TBL1XR1: variants seen among roughly 807,000 people sequenced by gnomAD.
The protein encoded by TBL1XR1 is TBL1X/Y related 1, also known as F-box-like/WD repeat-containing protein TBL1XR1.
A neutral mutation model predicts 66.9 loss-of-function variants in TBL1XR1; 5 were observed. The ratio of observed to expected loss-of-function variants is 0.07; its 90% CI spans 0.04 to 0.16. The LOEUF (loss-of-function observed/expected upper bound fraction) is 0.16. TBL1XR1 is among the 10% of genes least tolerant of loss of function. The pLI is 1.00. For missense variants in TBL1XR1, 238 were observed against 623.2 expected, an observed-to-expected ratio of 0.38 and a Z score of 6.58; for synonymous variants, 210 against 206.0, an observed-to-expected ratio of 1.02 and a Z score of -0.17.
intron 1 of TBL1XR1, among the ~76,000 whole-genome samples, chr3:177,145,321 A>G (rs1730118227): frequency 6.6e-6 from 1 of 152,206 alleles, no homozygotes; most frequent in South Asian, 2.1e-4. Context: ...TAGCACTACA[A>G]TGGCAGCACT....
intron 1 of TBL1XR1, among the ~76,000 whole-genome samples, 187 bp from the exon 2 acceptor site, chr3:177,098,728 C>G (rs1452349987): frequency 2.0e-5 from 3 of 152,146 alleles, no homozygotes; most frequent in African/African-American, 7.2e-5. Flanking sequence ...CTTGGCAAGT[C>G]TTTAGAACGT....
At chr3:177,177,074 T>G (rs1734243813) in intron 1 of TBL1XR1, among the ~76,000 whole-genome samples, 1 of 152,150 alleles carries the variant, frequency 6.6e-6, no homozygotes, top group Non-Finnish European at 1.5e-5. Context: ...CCCAGCTGAC[T>G]CAATGCTCTT....
At chr3:177,150,979 G>T (rs1286888404) in intron 1 of TBL1XR1, among the ~76,000 whole-genome samples, 1 of 152,150 alleles carries the variant, frequency 6.6e-6, no homozygotes, top group African/African-American at 2.4e-5. Context: ...TACAAATAAG[G>T]TTATAACTAT....
At chr3:177,128,111 C>T (rs1178069431) in intron 1 of TBL1XR1, among the ~76,000 whole-genome samples, 2 of 151,792 alleles carry the variant, frequency 1.3e-5, no homozygotes, top group East Asian at 1.9e-4. Flanking sequence ...CCTGGCTACT[C>T]GGGAGGCTGA....
At chr3:177,155,554 T>G (rs997659043) in intron 1 of TBL1XR1, among the ~76,000 whole-genome samples, 2 of 152,216 alleles carry the variant, frequency 1.3e-5, no homozygotes, top group Non-Finnish European at 2.9e-5. Flanking sequence ...TCATTGTCTA[T>G]AAATAATGTG....
chr3:177,093,721 G>A (rs1449105928), intron 2 of TBL1XR1, among the ~76,000 whole-genome samples: 1 of 152,180 alleles, frequency 6.6e-6, no homozygotes. Flanking sequence ...ATAAAGTGGG[G>A]ATAGAACACC....
At chr3:177,201,202 G>A (rs142140060), upstream of TBL1XR1, among the ~76,000 whole-genome samples, 1,838 of 151,794 alleles carry the variant, frequency 0.012, 14 homozygotes, top group African/African-American at 0.026. Flanking sequence ...CACGAGGTCG[G>A]GAGTTCGAGA....
rs137869747 is a variant in TBL1XR1 at position 177,091,389 on chromosome 3, C to T, written c.-46+7077G>A. ...AATACATTATTTTCTATTATGTTTA[C>T]ATATTAACTATTGCATATTATATAA... On this transcript the variant is annotated intron_variant, in intron 2 of 15. Transcript: ENST00000457928. Among the ~76,000 whole-genome samples, 6 of 151,964 alleles carry T rather than the reference C, an allele frequency of 3.9e-5. No individual in the cohort carries two copies. In the East Asian group the frequency reaches 9.7e-4, roughly 24 times the overall value.
chr3:177,181,170 C>CT (rs1734776641), intron 1 of TBL1XR1, among the ~76,000 whole-genome samples: 1 of 152,174 alleles, frequency 6.6e-6, no homozygotes, highest in South Asian at 2.1e-4. Flanking sequence ...TTCTCCAACT[C>CT]TGTCTTGTCG....
At chr3:177,057,115 G>A (rs189035751) in intron 3 of TBL1XR1, among the ~76,000 whole-genome samples, 6 of 152,132 alleles carry the variant, frequency 3.9e-5, no homozygotes, top group Non-Finnish European at 7.4e-5. Context: ...TACACACCCC[G>A]TCTCACTCCC....
At chr3:177,092,453 G>C (rs1404748121) in intron 2 of TBL1XR1, among the ~76,000 whole-genome samples, 1 of 152,062 alleles carries the variant, frequency 6.6e-6, no homozygotes, top group Non-Finnish European at 1.5e-5. Flanking sequence ...GGAAAAAATA[G>C]GTAGAAGCAT....
intron 1 of TBL1XR1, among the ~76,000 whole-genome samples, chr3:177,108,529 G>C (rs184566584): frequency 1.5e-3 from 229 of 152,242 alleles, no homozygotes; most frequent in Middle Eastern, 0.014. Flanking sequence ...ATAGTGTTTG[G>C]CTTATTGTAA....
chr3:177,046,951 C>T (rs1201462574), intron 9 of TBL1XR1, among the ~76,000 whole-genome samples: 4 of 152,090 alleles, frequency 2.6e-5, no homozygotes, highest in Admixed American at 6.6e-5. Flanking sequence ...ACCAGGAGTT[C>T]GGCTAACAGA....
chr3:177,115,461 T>C (rs1726194571), intron 1 of TBL1XR1, among the ~76,000 whole-genome samples: 1 of 152,184 alleles, frequency 6.6e-6, no homozygotes. Context: ...TTGTGCTGCT[T>C]ACTGCTATTC....
chr3:177,159,349 G>C (rs1288442021), intron 1 of TBL1XR1, among the ~76,000 whole-genome samples: 1 of 152,074 alleles, frequency 6.6e-6, no homozygotes, highest in Non-Finnish European at 1.5e-5. Flanking sequence ...CACAACTGGA[G>C]TATACATTTT....
At chr3:177,174,853 G>A (rs981400289) in intron 1 of TBL1XR1, among the ~76,000 whole-genome samples, 19 of 152,206 alleles carry the variant, frequency 1.2e-4, no homozygotes, top group Admixed American at 9.8e-4. Context: ...CTGCCGTTCC[G>A]TTTAAAATCC....
In TBL1XR1 at chr3:177,020,034, C is replaced by CT. The variant is rs1025377950; in HGVS notation, c.*5463dup. 2.0e-5 allele frequency: 3 copies of CT among 149,706 alleles called. No individual in the cohort carries two copies. Among genetic ancestry groups the CT allele is most frequent in the Non-Finnish European group, 4.4e-5 (3 of 67,646 alleles). The allele number at this position is 149,706 out of a possible 1,614,324, so 9.3% of individuals were successfully genotyped here. A position where few individuals can be genotyped will look rare whatever the true frequency, so the allele number is the denominator to read the frequency against. Reference sequence around the variant, plus strand: ...CTCAATGATTCTTTTTAAAAAGTCTCTAACTCTAAAGGAGTTGGTATTAAT... The same window carrying CT: ...CTCAATGATTCTTTTTAAAAAGTCTCTTAACTCTAAAGGAGTTGGTATTAAT... On this transcript the variant is annotated 3_prime_UTR_variant, in exon 16 of 16. Coordinates refer to ENST00000457928, the MANE Select transcript of TBL1XR1 (RefSeq NM_024665.7).
At chr3:177,117,194 C>A (rs1009477305) in intron 1 of TBL1XR1, among the ~76,000 whole-genome samples, 1 of 152,172 alleles carries the variant, frequency 6.6e-6, no homozygotes, top group Admixed American at 6.5e-5. Context: ...ATAGTGGGTA[C>A]TGGATTAATC....
At chr3:177,150,529 A>G (rs1442524366) in intron 1 of TBL1XR1, among the ~76,000 whole-genome samples, 1 of 152,224 alleles carries the variant, frequency 6.6e-6, no homozygotes, top group Non-Finnish European at 1.5e-5. Context: ...CTACAGACTG[A>G]GTTACCTAGG....
Sources: allele counts gnomAD v4.1 joint callset (sites outside exome capture counted in the v4.1 genomes callset), GRCh38; gene constraint gnomAD v4.1.1; transcripts MANE v1.5; gene names NCBI Gene and HGNC (gene_info 2026-07-23, HGNC 2026-07-21).